Variants in CEP57L1 observed in about 807,000 individuals in gnomAD.
CEP57L1 encodes the protein centrosomal protein 57 like 1.
Under a neutral mutation model 61.0 loss-of-function variants are expected in CEP57L1, and 37 were observed. The observed-to-expected ratio is 0.61, with a 90% CI of 0.47 to 0.80. The LOEUF (loss-of-function observed/expected upper bound fraction) is 0.80, where lower values mean the gene tolerates loss of function less well. CEP57L1 is among the 30% of genes least tolerant of loss of function. The probability of loss-of-function intolerance (pLI) is 0.00; values close to 1 mark genes in which losing one functional copy is unlikely to be tolerated. For missense variants in CEP57L1, 422 were observed against 524.7 expected (o/e 0.80, Z 1.91); for synonymous variants, 137 against 162.3 (o/e 0.84, Z 1.19).
intron 1 of CEP57L1, among the ~76,000 whole-genome samples, chr6:109,136,701 TTTTA>T (rs1770751851): frequency 2.5e-5 from 1 of 40,416 alleles, no homozygotes; most frequent in Admixed American, 2.0e-4. Context: ...AAACTTGTAT[TTTTA>T]TTTTATTTTA....
intron 1 of CEP57L1, among the ~76,000 whole-genome samples, chr6:109,102,667 G>T (rs2114566251): frequency 6.6e-6 from 1 of 151,580 alleles, no homozygotes; most frequent in East Asian, 1.9e-4. Context: ...TTTTGTAAAA[G>T]GTATAAGGTC....
At chr6:109,130,164 A>G (rs1774017102) in intron 1 of CEP57L1, among the ~76,000 whole-genome samples, 1 of 152,064 alleles carries the variant, frequency 6.6e-6, no homozygotes, top group Non-Finnish European at 1.5e-5. Flanking sequence ...TTATGCAACC[A>G]ATCTCTAAAA....
intron 1 of CEP57L1, among the ~76,000 whole-genome samples, chr6:109,105,768 T>C (rs370661584): frequency 7.2e-5 from 11 of 152,166 alleles, no homozygotes; most frequent in African/African-American, 2.4e-4. Context: ...CCTCGGGCCA[T>C]GGACTGGTAC....
chr6:109,115,521 T>C (rs1163146733), intron 1 of CEP57L1, among the ~76,000 whole-genome samples: 2 of 152,196 alleles, frequency 1.3e-5, no homozygotes, highest in South Asian at 2.1e-4. Flanking sequence ...GCCCACCCAT[T>C]GTCGGTGTGT....
At chr6:109,148,774 G>C (rs1170443317) in intron 3 of CEP57L1, among the ~76,000 whole-genome samples, 1 of 152,118 alleles carries the variant, frequency 6.6e-6, no homozygotes, top group Non-Finnish European at 1.5e-5. Context: ...ATCCTCTCCA[G>C]CACCTGTTGT....
chr6:109,153,231 CTTTTTTTTTTTTT>C (rs34538762), intron 4 of CEP57L1, among the ~76,000 whole-genome samples: 5 of 79,000 alleles, frequency 6.3e-5, no homozygotes, highest in African/African-American at 2.3e-4. Context: ...CTAATCTGCA[CTTTTTTTTTTTTT>C]TTTTTTTTTT....
chr6:109,162,662 C>T (rs1203809004), intron 10 of CEP57L1, 87 bp from the exon 11 acceptor site: 13 of 853,276 alleles, frequency 1.5e-5, no homozygotes, highest in East Asian at 2.7e-5. Flanking sequence ...AACTTTTTAA[C>T]GTTAAACCAT....
intron 1 of CEP57L1, among the ~76,000 whole-genome samples, chr6:109,108,755 G>A (rs1434916730): frequency 4.6e-5 from 7 of 152,056 alleles, no homozygotes; most frequent in African/African-American, 1.2e-4. Context: ...TAAAAAAGGC[G>A]AAGGATTTAT....
intron 1 of CEP57L1, among the ~76,000 whole-genome samples, chr6:109,113,879 A>G (rs978517987): frequency 6.6e-6 from 1 of 152,152 alleles, no homozygotes; most frequent in Non-Finnish European, 1.5e-5. Context: ...AGGAAGTATA[A>G]AGGAAGGCAA....
At chr6:109,159,696 G>A (rs545932882) in intron 9 of CEP57L1, among the ~76,000 whole-genome samples, 3 of 152,052 alleles carry the variant, frequency 2.0e-5, no homozygotes, top group African/African-American at 7.2e-5. Flanking sequence ...TCTTAAAGGC[G>A]TTACTTAGCC....
chr6:109,156,544 A>G (rs1450449164), intron 7 of CEP57L1: 1 of 152,092 alleles, frequency 6.6e-6, no homozygotes, highest in Admixed American at 6.6e-5. Context: ...ATTATATATA[A>G]TGGTATGAAA....
intron 1 of CEP57L1, among the ~76,000 whole-genome samples, chr6:109,136,795 G>A (rs369349848): frequency 5.4e-4 from 81 of 149,078 alleles, no homozygotes; most frequent in Non-Finnish European, 8.7e-4. Flanking sequence ...TTGCTCTGTC[G>A]CCCAGGCTAG....
intron 1 of CEP57L1, among the ~76,000 whole-genome samples, chr6:109,130,157 T>C (rs948992110): frequency 6.6e-6 from 1 of 152,196 alleles, no homozygotes; most frequent in Non-Finnish European, 1.5e-5. Flanking sequence ...CGCATTGTTA[T>C]GCAACCAATC....
chr6:109,167,171 G>C lies in CEP57L1; in HGVS notation c.*4201G>C, dbSNP rs73762650. Among the ~76,000 whole-genome samples, 30 of 150,228 alleles carry C rather than the reference G, an allele frequency of 2.0e-4. No individual in the cohort carries two copies. Among genetic ancestry groups the C allele is most frequent in the African/African-American group, 6.9e-4 (28 of 40,760 alleles). On this transcript the variant is annotated 3_prime_UTR_variant, in exon 11 of 11. Coordinates refer to ENST00000517392, the MANE Select transcript of CEP57L1 (RefSeq NM_001271852.3). ...CTTTTTCTTCATATTCCATCTACTT[G>C]TTTTCATGTAACTTTGTCTTTCAAT...
chr6:109,164,170 T>C lies in CEP57L1; in HGVS notation c.*1200T>C, dbSNP rs1317374644. Among the ~76,000 whole-genome samples the C allele has an allele frequency of 6.6e-6, 1 of 152,154 alleles. No homozygotes were observed. The highest frequency in any genetic ancestry group is 1.5e-5 in the Non-Finnish European group (1 of 68,024). On this transcript the variant is annotated 3_prime_UTR_variant, in exon 11 of 11. Transcript: ENST00000517392. ...GTTCAAGCTATAGATGTGAAAGAAT[T>C]TTTAGGTCAGGATCTTGGGAAGCTA...
intron 1 of CEP57L1, among the ~76,000 whole-genome samples, chr6:109,143,421 A>G (rs78066682): frequency 0.14 from 20,698 of 152,046 alleles, 1,671 homozygotes; most frequent in African/African-American, 0.22. Context: ...CAGATTATAA[A>G]GGTTAAGCTG....
At position 109,170,748 on chromosome 6, in the gene CEP57L1, T is replaced by C. The variant is rs1462095531; in HGVS notation, c.*7778T>C. Reference sequence around the variant, plus strand: ...ATTTCTAGCAAAAGTATCTTTAATATCTTACAAAATATTTTCAGAGATAGC... The same window carrying C: ...ATTTCTAGCAAAAGTATCTTTAATACCTTACAAAATATTTTCAGAGATAGC... On this transcript the variant is annotated 3_prime_UTR_variant, in exon 11 of 11. Coordinates refer to ENST00000517392, the MANE Select transcript of CEP57L1 (RefSeq NM_001271852.3). Among the ~76,000 whole-genome samples the C allele has an allele frequency of 6.6e-6, 1 of 152,218 alleles. No individual in the cohort carries two copies. Among genetic ancestry groups the C allele is most frequent in the Non-Finnish European group, 1.5e-5 (1 of 68,038 alleles).
At chr6:109,161,432 T>C (rs1773708470) in intron 10 of CEP57L1, among the ~76,000 whole-genome samples, 1 of 152,106 alleles carries the variant, frequency 6.6e-6, no homozygotes, top group South Asian at 2.1e-4. Flanking sequence ...AGTCACATCA[T>C]GTAGCCATCT....
rs114914626 is a variant in CEP57L1, at chr6:109,103,198, A to G, written c.-4+7623A>G. The stretch of plus-strand genomic sequence containing the variant: ...TCTCTTTCTATGATAACTGACTTCA[A>G]CTTAAGTTTTTAAAGGAAATTATAC... On this transcript the variant is annotated intron_variant, in intron 1 of 10. Transcript: ENST00000517392. Among the ~76,000 whole-genome samples, 1,261 of 152,290 alleles carry G rather than the reference A, an allele frequency of 8.3e-3. 23 individuals carry two copies. Among genetic ancestry groups the G allele is most frequent in the African/African-American group, 0.029 (1,210 of 41,560 alleles).
Sources: gnomAD v4.1 joint callset for allele counts (sites outside exome capture counted in the v4.1 genomes callset) on GRCh38, gnomAD v4.1.1 for gene constraint, MANE v1.5 for transcripts, NCBI Gene and HGNC (gene_info 2026-07-23, HGNC 2026-07-21) for gene names.